VPS13B: variants seen among roughly 807,000 people sequenced by gnomAD.
VPS13B encodes intermembrane lipid transfer protein VPS13B.
A neutral mutation model predicts 426.4 loss-of-function variants in VPS13B; 285 were observed. The ratio of observed to expected loss-of-function variants is 0.67; its 90% CI spans 0.61 to 0.74. VPS13B has a LOEUF of 0.74. VPS13B is among the 30% of genes least tolerant of loss of function. The pLI is 0.00. For missense variants in VPS13B, 4,537 were observed against 4,782.6 expected (o/e 0.95, Z 1.51); for synonymous variants, 1,676 against 1,676.4 (o/e 1.00, Z 0.01).
chr8:99,829,356 T>C (rs1814913850), intron 51 of VPS13B, among the ~76,000 whole-genome samples: 1 of 152,262 alleles, frequency 6.6e-6, no homozygotes, highest in Admixed American at 6.5e-5. Context: ...GTCTTCGGTC[T>C]CTGATATCCT....
In VPS13B at chr8:99,633,840, C is replaced by T. The variant is rs75329576; in HGVS notation, c.5221-7971C>T. 8.6e-3 allele frequency among the ~76,000 whole-genome samples: 313 copies of T among 36,422 alleles called. 1 individual carries two copies. Among genetic ancestry groups the T allele is most frequent in the African/African-American group, 0.025 (274 of 10,840 alleles). The allele number at this position is 36,422 out of a possible 152,430, so 23.9% of individuals were successfully genotyped here. The stretch of plus-strand genomic sequence containing the variant: ...GTGTGTGTGTGTGTGTGTGTGTGTG[C>T]GTGTTTTAACTGAATTCATTACAAA... On this transcript the variant is annotated intron_variant, in intron 33 of 61. Transcript: ENST00000357162.
chr8:99,842,796 A>G (rs1167477451), intron 54 of VPS13B, among the ~76,000 whole-genome samples: 1 of 152,184 alleles, frequency 6.6e-6, no homozygotes, highest in Non-Finnish European at 1.5e-5. Context: ...TAATTGTGGT[A>G]GAAGATATTG....
At chr8:99,508,667 T>C (rs1200360596) in intron 28 of VPS13B, among the ~76,000 whole-genome samples, 2 of 152,150 alleles carry the variant, frequency 1.3e-5, no homozygotes, top group Non-Finnish European at 2.9e-5. Context: ...GTGAAAAACA[T>C]TCTTAATAAT....
intron 35 of VPS13B, chr8:99,697,942 G>T: frequency 2.3e-6 from 1 of 425,740 alleles, no homozygotes; most frequent in South Asian, 2.0e-5. Context: ...AGGTGGCCAA[G>T]ATTGTAGCGA....
At chr8:99,875,256 G>A (rs961079041) in intron 61 of VPS13B, among the ~76,000 whole-genome samples, 162 bp from the exon 62 acceptor site, 1 of 152,134 alleles carries the variant, frequency 6.6e-6, no homozygotes, top group African/African-American at 2.4e-5. Context: ...CATTGTTATC[G>A]TTGCCATATC....
intron 55 of VPS13B, among the ~76,000 whole-genome samples, chr8:99,852,875 T>C (rs1428461454): frequency 1.3e-5 from 2 of 151,936 alleles, no homozygotes; most frequent in Non-Finnish European, 2.9e-5. Context: ...AAAAAGATGA[T>C]GGAGGAAAGG....
chr8:99,378,605 GTC>G (rs1441335971), intron 19 of VPS13B, among the ~76,000 whole-genome samples: 1 of 152,168 alleles, frequency 6.6e-6, no homozygotes, highest in African/African-American at 2.4e-5. Flanking sequence ...ACTAACAAAT[GTC>G]CATGAAATCT....
chr8:99,069,419 G>A (rs932358655), intron 3 of VPS13B, among the ~76,000 whole-genome samples: 14 of 152,282 alleles, frequency 9.2e-5, no homozygotes, highest in Admixed American at 6.5e-4. Context: ...GACAGAACAA[G>A]AGCATGTCTC....
chr8:99,150,751 C>T (rs376955810), intron 14 of VPS13B, among the ~76,000 whole-genome samples: 1 of 152,196 alleles, frequency 6.6e-6, no homozygotes, highest in South Asian at 2.1e-4. Flanking sequence ...TATTCCATTA[C>T]AGATGTACCA....
rs139084511 is a variant in VPS13B at position 99,536,206 on chromosome 8, C to T, written c.4745+15196C>T. Among the ~76,000 whole-genome samples the T allele has an allele frequency of 1.7e-3, 256 of 152,196 alleles. 1 individual carries two copies. The highest frequency in any genetic ancestry group is 6.0e-3 in the African/African-American group (251 of 41,548). On this transcript the variant is annotated intron_variant, in intron 30 of 61. Coordinates refer to ENST00000357162, the MANE Select transcript of VPS13B (RefSeq NM_152564.5). ...TCAGGTGAGCCGCCTGCCTTGGCCT[C>T]CCAAAGTGCTGGGATTACAGATGCC...
At chr8:99,490,693 G>A (rs191592791) in intron 25 of VPS13B, among the ~76,000 whole-genome samples, 1 of 152,286 alleles carries the variant, frequency 6.6e-6, no homozygotes, top group Non-Finnish European at 1.5e-5. Flanking sequence ...TTGCATAGAG[G>A]TGTTTATAAT....
intron 51 of VPS13B, among the ~76,000 whole-genome samples, chr8:99,828,567 G>A (rs1042643551): frequency 2.0e-5 from 3 of 151,634 alleles, no homozygotes; most frequent in African/African-American, 7.3e-5. Flanking sequence ...GCCAGTCTTT[G>A]CCTTTTAATT....
chr8:99,687,036 T>C lies in VPS13B; in HGVS notation c.6047-12489T>C, dbSNP rs139434931. On this transcript the variant is annotated intron_variant, in intron 35 of 61. Transcript: ENST00000357162. ...ATGGTGAGTATTGCCTGGGTGCTAC[T>C]GCTAATTATTTAAGGCCTAATGGCT... is the stretch of plus-strand genomic sequence containing the variant. Among the ~76,000 whole-genome samples the C allele has an allele frequency of 7.8e-4, 119 of 152,148 alleles. 2 individuals carry two copies. Among genetic ancestry groups the C allele is most frequent in the African/African-American group, 2.8e-3 (115 of 41,434 alleles).
intron 19 of VPS13B, among the ~76,000 whole-genome samples, chr8:99,276,250 A>G (rs1818889971): frequency 6.6e-6 from 1 of 152,162 alleles, no homozygotes; most frequent in African/African-American, 2.4e-5. Context: ...TGGTATCCAC[A>G]TTGAAAACTG....
At chr8:99,211,427 A>G (rs1260197181) in intron 17 of VPS13B, among the ~76,000 whole-genome samples, 1 of 152,194 alleles carries the variant, frequency 6.6e-6, no homozygotes, top group East Asian at 1.9e-4. Flanking sequence ...CTGCCCTGAA[A>G]GACAATCATC....
At chr8:99,555,794 G>A (rs1036206550) in intron 30 of VPS13B, among the ~76,000 whole-genome samples, 14 of 151,996 alleles carry the variant, frequency 9.2e-5, no homozygotes, top group Admixed American at 6.6e-4. Context: ...TAGGATCAAC[G>A]TTGTATGTTC....
intron 19 of VPS13B, among the ~76,000 whole-genome samples, chr8:99,372,231 G>GAC (rs1813227819): frequency 7.0e-6 from 1 of 142,132 alleles, no homozygotes; most frequent in Non-Finnish European, 1.5e-5. Flanking sequence ...CAGCCTGGGC[G>GAC]ACAGCGAGAC....
chr8:99,334,817 C>A (rs1810734252), intron 19 of VPS13B, among the ~76,000 whole-genome samples: 1 of 152,014 alleles, frequency 6.6e-6, no homozygotes, highest in South Asian at 2.1e-4. Context: ...GTCTAAAATT[C>A]TCTTTTTTGG....
intron 17 of VPS13B, chr8:99,233,937 C>T: frequency 2.5e-6 from 2 of 792,214 alleles, no homozygotes; most frequent in East Asian, 2.4e-5. Flanking sequence ...TTCTCTGCAG[C>T]TCCAGAGTTC....
Sources: allele counts gnomAD v4.1 joint callset (sites outside exome capture counted in the v4.1 genomes callset), GRCh38; gene constraint gnomAD v4.1.1; transcripts MANE v1.5; gene names NCBI Gene and HGNC (gene_info 2026-07-23, HGNC 2026-07-21).